The following ELOVL6 variants were observed in gnomAD, a reference collection of about 807,000 sequenced individuals.
ELOVL6 encodes the protein very long chain fatty acid elongase 6.
Under a neutral mutation model 31.7 loss-of-function variants are expected in ELOVL6, and 8 were observed. The observed-to-expected ratio is 0.25, with a 90% CI of 0.15 to 0.45. The LOEUF (loss-of-function observed/expected upper bound fraction) is 0.45. ELOVL6 is among the 20% of genes least tolerant of loss of function. ELOVL6 has a pLI of 1.00. For synonymous variants in ELOVL6, 101 were observed against 117.7 expected, an observed-to-expected ratio of 0.86 and a Z score of 0.92; for missense variants, 126 against 326.4, an observed-to-expected ratio of 0.39 and a Z score of 4.73.
At chr4:110,077,207 T>A (rs954954142) in intron 2 of ELOVL6, among the ~76,000 whole-genome samples, 3 of 152,100 alleles carry the variant, frequency 2.0e-5, no homozygotes, top group Admixed American at 6.6e-5. Flanking sequence ...TCTGCAGACT[T>A]AAATGTCCCT....
intron 2 of ELOVL6, among the ~76,000 whole-genome samples, chr4:110,073,637 G>A (rs769959803): frequency 1.3e-5 from 2 of 152,110 alleles, no homozygotes; most frequent in Non-Finnish European, 2.9e-5. Context: ...CAAGGAGAAC[G>A]TATTTTTCTC....
At position 110,158,657 on chromosome 4, in the gene ELOVL6, A is replaced by ATATTTTTTTT; in HGVS notation, c.89+39589_89+39590insAAAAAAAATA. On this transcript the variant is annotated intron_variant, in intron 1 of 3. Transcript: ENST00000302274. ...CGTGTATATATATATATATATATAT[A>ATATTTTTTTT]TTTTTTTTTTTTTTTTTTTTGAGAC... Among the ~76,000 whole-genome samples, 293 of 74,152 alleles carry ATATTTTTTTT rather than the reference A, an allele frequency of 4.0e-3. 8 individuals are homozygous for ATATTTTTTTT. The highest frequency in any genetic ancestry group is 6.2e-3 in the African/African-American group (75 of 12,072). The allele number at this position is 74,152 out of a possible 152,430, so 48.6% of individuals were successfully genotyped here.
At chr4:110,080,736 G>A (rs926981959) in intron 2 of ELOVL6, among the ~76,000 whole-genome samples, 5 of 152,092 alleles carry the variant, frequency 3.3e-5, no homozygotes, top group African/African-American at 1.2e-4. Context: ...TGGAAGTTCT[G>A]GCCAGGGTAA....
At chr4:110,136,051 T>C (rs1757800085) in intron 1 of ELOVL6, among the ~76,000 whole-genome samples, 1 of 152,228 alleles carries the variant, frequency 6.6e-6, no homozygotes, top group African/African-American at 2.4e-5. Flanking sequence ...TATGATGGGC[T>C]TCTTAAAGCA....
At chr4:110,120,000 T>C (rs1757297626) in intron 1 of ELOVL6, among the ~76,000 whole-genome samples, 1 of 152,230 alleles carries the variant, frequency 6.6e-6, no homozygotes, top group South Asian at 2.1e-4. Context: ...CATCCTTTTC[T>C]TCAGAGTTTC....
intron 1 of ELOVL6, among the ~76,000 whole-genome samples, chr4:110,190,314 AC>A (rs1327464111): frequency 6.6e-6 from 1 of 152,170 alleles, no homozygotes; most frequent in Non-Finnish European, 1.5e-5. Flanking sequence ...TGGGCAACTA[AC>A]TCAGCAAAGG....
intron 1 of ELOVL6, among the ~76,000 whole-genome samples, chr4:110,169,299 T>A (rs1758874685): frequency 6.8e-6 from 1 of 146,062 alleles, no homozygotes; most frequent in African/African-American, 2.5e-5. Flanking sequence ...AGTGCAGTGG[T>A]GCGATCTCGG....
At chr4:110,103,146 G>C (rs900542811) in intron 2 of ELOVL6, among the ~76,000 whole-genome samples, 10 of 152,178 alleles carry the variant, frequency 6.6e-5, no homozygotes, top group African/African-American at 2.4e-4. Flanking sequence ...ATGTGGAACT[G>C]TAAGTCCAAT....
intron 1 of ELOVL6, among the ~76,000 whole-genome samples, chr4:110,142,127 G>T (rs1029328938): frequency 7.2e-6 from 1 of 138,902 alleles, no homozygotes; most frequent in Non-Finnish European, 1.5e-5. Context: ...CTGGAGTGCA[G>T]TGGTGTGATC....
At chr4:110,169,376 C>T (rs559576669) in intron 1 of ELOVL6, among the ~76,000 whole-genome samples, 2 of 151,788 alleles carry the variant, frequency 1.3e-5, no homozygotes, top group Admixed American at 6.6e-5. Flanking sequence ...GTAGCTGGGA[C>T]TACAGGTGCC....
chr4:110,061,298 A>G (rs1755129714), intron 2 of ELOVL6, among the ~76,000 whole-genome samples: 1 of 152,082 alleles, frequency 6.6e-6, no homozygotes, highest in African/African-American at 2.4e-5. Flanking sequence ...TCACTCCAGA[A>G]CTTTCAGACA....
At position 110,084,102 on chromosome 4, in the gene ELOVL6, G is replaced by C. The variant is rs867381988; in HGVS notation, c.221+21395C>G. ...TATATATGATATATAACATATATAT[G>C]ATATATATGATATATATAACATATA... On this transcript the variant is annotated intron_variant, in intron 2 of 3. Coordinates refer to ENST00000302274, the MANE Select transcript of ELOVL6 (RefSeq NM_024090.3). Among the ~76,000 whole-genome samples the C allele has an allele frequency of 5.1e-3, 391 of 76,612 alleles. 52 individuals carry two copies. Among genetic ancestry groups the C allele is most frequent in the Middle Eastern group, 0.016 (1 of 62 alleles). The allele number at this position is 76,612 out of a possible 152,430, so 50.3% of individuals were successfully genotyped here.
intron 1 of ELOVL6, among the ~76,000 whole-genome samples, chr4:110,196,482 A>G (rs1054590397): frequency 6.6e-6 from 1 of 152,118 alleles, no homozygotes; most frequent in Non-Finnish European, 1.5e-5. Flanking sequence ...CATCCAGAGA[A>G]GGACCCCGGG....
At position 110,058,284 on chromosome 4, in the gene ELOVL6, G is replaced by A. The variant is rs1755049280; in HGVS notation, c.373+1319C>T. 2.0e-5 allele frequency among the ~76,000 whole-genome samples: 3 copies of A among 151,294 alleles called. No homozygotes were observed. The South Asian group carries it at 6.3e-4, about 32-fold the overall frequency. On this transcript the variant is annotated intron_variant, in intron 3 of 3. Transcript: ENST00000302274. Reference sequence around the variant, plus strand: ...CGTGTGTGTAGGCGTTTGTGTGTCTGTTGGAGGGGGGGAGCGGTGCAGGCA... The same window carrying A: ...CGTGTGTGTAGGCGTTTGTGTGTCTATTGGAGGGGGGGAGCGGTGCAGGCA...
At chr4:110,116,565 A>T (rs988335389) in intron 1 of ELOVL6, among the ~76,000 whole-genome samples, 1 of 152,224 alleles carries the variant, frequency 6.6e-6, no homozygotes, top group Non-Finnish European at 1.5e-5. Flanking sequence ...AGTATAATAT[A>T]CAATTTACTA....
At chr4:110,116,333 T>C (rs1057164538) in intron 1 of ELOVL6, among the ~76,000 whole-genome samples, 7 of 152,228 alleles carry the variant, frequency 4.6e-5, no homozygotes, top group Admixed American at 3.9e-4. Context: ...CAGATGCACA[T>C]GTTTCATGTC....
intron 2 of ELOVL6, chr4:110,093,052 T>A (rs1023653698): frequency 2.3e-6 from 1 of 434,580 alleles, no homozygotes. Context: ...AGCTATGGTA[T>A]TCCAGCTATT....
At chr4:110,071,181 A>G (rs1238807322) in intron 2 of ELOVL6, among the ~76,000 whole-genome samples, 1 of 152,200 alleles carries the variant, frequency 6.6e-6, no homozygotes, top group African/African-American at 2.4e-5. Flanking sequence ...GCTCTTCCAT[A>G]TGCCCAGTTC....
Position 110,048,312 on chromosome 4 carries a change from G to C in ELOVL6, c.*3026C>G, listed in dbSNP as rs1158490028. The C allele has an allele frequency of 6.6e-6, 1 of 152,194 alleles. No homozygotes were observed. The highest frequency in any genetic ancestry group is 1.5e-5 in the Non-Finnish European group (1 of 68,050). 9.4% of individuals were successfully genotyped at this position (152,194 alleles called of 1,614,324 possible). ...ACGTAAACCCCCTGCTTTATGAATA[G>C]AGCATTTCTCACTAGAACTTCATTG... On this transcript the variant is annotated 3_prime_UTR_variant, in exon 4 of 4. Coordinates refer to ENST00000302274, the MANE Select transcript of ELOVL6 (RefSeq NM_024090.3).
Sources: allele counts gnomAD v4.1 joint callset (sites outside exome capture counted in the v4.1 genomes callset), GRCh38; gene constraint gnomAD v4.1.1; transcripts MANE v1.5; gene names NCBI Gene and HGNC (gene_info 2026-07-23, HGNC 2026-07-21).